Variants in PCDHGB3 observed in about 807,000 individuals in gnomAD.
The protein encoded by PCDHGB3 is protocadherin gamma subfamily B, 3, also known as protocadherin gamma-B3.
PCDHGB3 carries 40 observed loss-of-function variants against 59.2 expected under a neutral mutation model. The observed-to-expected ratio is 0.68, with a 90% CI of 0.52 to 0.88. The LOEUF is 0.88. PCDHGB3 is among the 40% of genes least tolerant of loss of function. PCDHGB3 has a pLI of 0.00. For missense variants in PCDHGB3, 1,309 were observed against 1,187.9 expected (o/e 1.10, Z -1.50); for synonymous variants, 581 against 503.6 (o/e 1.15, Z -2.06).
At chr5:141,414,186 G>C in intron 1 of PCDHGB3, 1 of 1,609,824 alleles carries the variant, frequency 6.2e-7, no homozygotes, top group Non-Finnish European at 8.5e-7. Context: ...CTGCAAAAGT[G>C]TTGATTACAG....
At position 141,371,656 on chromosome 5, in the gene PCDHGB3, C is replaced by A. The variant is rs772257649; in HGVS notation, c.1262C>A (p.Thr421Lys). 4 of 1,613,886 alleles carry A rather than the reference C, an allele frequency of 2.5e-6. No individual in the cohort carries two copies. Among genetic ancestry groups the A allele is most frequent in the East Asian group, 2.2e-5 (1 of 44,894 alleles). Residue 421 changes from threonine to lysine, a missense_variant, in exon 1 of 4, where the codon ACG (threonine) becomes AAG (lysine). By Grantham distance (78) the Thr-to-Lys change is moderately conservative. Transcript: ENST00000576222. ...DREQIPEYNV[T>K]ITATDKGNPP... ...GAGCAGATCCCAGAATACAATGTGA[C>A]GATCACAGCTACCGACAAAGGCAAT...
In PCDHGB3 at chr5:141,372,153, C is replaced by T; in HGVS notation, c.1759C>T (p.Leu587=). 1 of 1,613,800 alleles carries T rather than the reference C, an allele frequency of 6.2e-7. No individual in the cohort carries two copies. Among genetic ancestry groups the T allele is most frequent in the East Asian group, 2.2e-5 (1 of 44,870 alleles). ...MVPRSAEPGY[L]VTKVVAVDAD... is the part of the protein sequence containing the mutation. ...GCCGCGCTCTGCAGAGCCTGGCTAC[C>T]TGGTGACCAAGGTGGTGGCGGTGGA... The change falls in exon 1 of 4, where the codon CTG becomes TTG. Residue 587 remains leucine, a synonymous_variant. Transcript: ENST00000576222.
chr5:141,380,372 C>A (rs73265858), intron 1 of PCDHGB3, among the ~76,000 whole-genome samples: 1 of 151,948 alleles, frequency 6.6e-6, no homozygotes. Context: ...AAAAAAAAGT[C>A]CCAAAAAAGA....
chr5:141,485,566 C>G lies in PCDHGB3; in HGVS notation c.2416-9241C>G, dbSNP rs768144422. On this transcript the variant is annotated intron_variant, in intron 1 of 3. Transcript: ENST00000576222. This position sits in a 1 kb window ranked among gnomAD's most constrained non-coding sequence, Gnocchi z 5.7. ...TCGTAGATGTGAATGATCACGCCCC[C>G]CGTTTTCCGCGGCAGCAGCTGGACT... 2.5e-6 allele frequency: 4 copies of G among 1,612,808 alleles called. No homozygotes were observed. Among genetic ancestry groups the G allele is most frequent in the South Asian group, 2.2e-5 (2 of 91,028 alleles).
intron 1 of PCDHGB3, chr5:141,395,210 A>T (rs200048432): frequency 1.9e-6 from 3 of 1,613,418 alleles, no homozygotes; most frequent in Non-Finnish European, 2.5e-6. Context: ...ATTTTCATGA[A>T]TATAAGAATG....
intron 1 of PCDHGB3, chr5:141,429,208 G>A (rs568951026): frequency 5.4e-4 from 77 of 142,568 alleles, no homozygotes; most frequent in African/African-American, 1.9e-3. Context: ...ACACACACGT[G>A]TGAAAAGTGG....
intron 1 of PCDHGB3, among the ~76,000 whole-genome samples, chr5:141,437,364 T>C (rs1026384836): frequency 6.6e-6 from 1 of 152,232 alleles, no homozygotes; most frequent in African/African-American, 2.4e-5. Flanking sequence ...AAAATTGGAA[T>C]GTAATCAGTC....
At position 141,489,369 on chromosome 5, in the gene PCDHGB3, G is replaced by A. The variant is rs371328808; in HGVS notation, c.2416-5438G>A. The A allele has an allele frequency of 4.5e-5, 73 of 1,613,474 alleles. No individual in the cohort carries two copies. Among genetic ancestry groups the A allele is most frequent in the African/African-American group, 4.1e-4 (31 of 74,894 alleles). ...TGGTGGAGGAGTCTGAGCCGGGGACGCTGGTGGGGAATGTTGCTCAGGATC... is the reference window on the plus strand; with the variant it reads ...TGGTGGAGGAGTCTGAGCCGGGGACACTGGTGGGGAATGTTGCTCAGGATC... On this transcript the variant is annotated intron_variant, in intron 1 of 3. Transcript: ENST00000576222. This position sits in a 1 kb window ranked among gnomAD's most constrained non-coding sequence, Gnocchi z 4.5.
intron 1 of PCDHGB3, chr5:141,422,545 T>C: frequency 6.2e-7 from 1 of 1,614,000 alleles, no homozygotes; most frequent in Non-Finnish European, 8.5e-7. Context: ...AACTCATGTC[T>C]GGCTGAATGT....
At chr5:141,394,690 T>A (rs745602076) in intron 1 of PCDHGB3, 1 of 1,610,768 alleles carries the variant, frequency 6.2e-7, no homozygotes, top group East Asian at 2.2e-5. Flanking sequence ...ACGGGCGAGG[T>A]GCGCACGGCG....
intron 1 of PCDHGB3, among the ~76,000 whole-genome samples, chr5:141,481,443 C>T (rs971405190): frequency 1.3e-5 from 2 of 152,174 alleles, no homozygotes; most frequent in African/African-American, 4.8e-5. Flanking sequence ...CAGTTTAGTA[C>T]ATGTAAATAC....
At chr5:141,394,028 G>A (rs758413971) in intron 1 of PCDHGB3, 1 of 1,613,454 alleles carries the variant, frequency 6.2e-7, no homozygotes, top group Admixed American at 1.7e-5. Flanking sequence ...ATAGATTAGT[G>A]ACAAGGAAAT....
intron 1 of PCDHGB3, chr5:141,390,100 C>A (rs2092045935): frequency 1.2e-6 from 2 of 1,614,060 alleles, no homozygotes; most frequent in Non-Finnish European, 1.7e-6. Context: ...GTGGTTCCCC[C>A]CAACTACAGC....
chr5:141,413,298 G>A (rs1672233901), intron 1 of PCDHGB3: 3 of 1,613,950 alleles, frequency 1.9e-6, no homozygotes, highest in Non-Finnish European at 2.5e-6. Context: ...CAATTCCTGA[G>A]GAATTAGAGA....
chr5:141,409,600 G>A (rs778681839), intron 1 of PCDHGB3: 1 of 1,613,764 alleles, frequency 6.2e-7, no homozygotes. Context: ...AGAACAACCC[G>A]CCAGGAGCCT....
Position 141,491,287 on chromosome 5 carries a change from C to T in PCDHGB3, c.2416-3520C>T, listed in dbSNP as rs1562145447. 2 of 1,614,030 alleles carry T rather than the reference C, an allele frequency of 1.2e-6. No homozygotes were observed. Among genetic ancestry groups the T allele is most frequent in the Admixed American group, 1.7e-5 (1 of 60,032 alleles). On this transcript the variant is annotated intron_variant, in intron 1 of 3. Coordinates refer to ENST00000576222, the MANE Select transcript of PCDHGB3 (RefSeq NM_018924.5). The surrounding 1 kb of genome is among the most constrained non-coding windows in gnomAD (Gnocchi z 6.9). ...GCCCAAATCCAGTGACTTCCTCATA[C>T]ACCCTCCTGAGCGTTCAGACCTTAC... is the stretch of plus-strand genomic sequence containing the variant.
Position 141,485,175 on chromosome 5 carries a change from T to C in PCDHGB3, c.2416-9632T>C, listed in dbSNP as rs2099608731. ...GTAGAGAATTAGCGGGCGGCAGCAA[T>C]GCTCCGCAAGGTGAGAAGCTGGACA... On this transcript the variant is annotated intron_variant, in intron 1 of 3. Coordinates refer to ENST00000576222, the MANE Select transcript of PCDHGB3 (RefSeq NM_018924.5). The surrounding 1 kb of genome is among the most constrained non-coding windows in gnomAD (Gnocchi z 5.7). 6.2e-7 allele frequency: 1 copy of C among 1,611,486 alleles called. No homozygotes were observed. Among genetic ancestry groups the C allele is most frequent in the Non-Finnish European group, 8.5e-7 (1 of 1,177,998 alleles).
Position 141,477,029 on chromosome 5 carries a change from A to T in PCDHGB3, c.2416-17778A>T, listed in dbSNP as rs754045855. ...CTTAGACCTTGTAACCGGGATGCTG[A>T]CAATCAAGGGTCGGCTGGACTTCGA... On this transcript the variant is annotated intron_variant, in intron 1 of 3. Transcript: ENST00000576222. This position sits in a 1 kb window ranked among gnomAD's most constrained non-coding sequence, Gnocchi z 4.9. 2 of 1,614,238 alleles carry T rather than the reference A, an allele frequency of 1.2e-6. No homozygotes were observed. The highest frequency in any genetic ancestry group is 3.3e-5 in the Admixed American group (2 of 60,028).
intron 1 of PCDHGB3, chr5:141,408,083 C>A: frequency 7.1e-7 from 1 of 1,414,576 alleles, no homozygotes; most frequent in Non-Finnish European, 9.3e-7. Flanking sequence ...CCCAGCACAG[C>A]GGATTGCCAG....
Sources: gnomAD v4.1 joint callset for allele counts (sites outside exome capture counted in the v4.1 genomes callset) on GRCh38, gnomAD v4.1.1 for gene constraint, Gnocchi (gnomAD v3.1) non-coding constraint, MANE v1.5 for transcripts, NCBI Gene and HGNC (gene_info 2026-07-23, HGNC 2026-07-21) for gene names.